Variants in ARL15 observed in about 807,000 individuals in gnomAD.
ARL15 encodes the protein ADP-ribosylation factor-like protein 15.
Under a neutral mutation model 25.2 loss-of-function variants are expected in ARL15, and 19 were observed. That is an observed-to-expected ratio of 0.75 (90% CI 0.53 to 1.10). The LOEUF is 1.10. Among genes scored for constraint, ARL15 ranks in the 50% least tolerant of loss-of-function variants. The pLI, the probability that ARL15 is intolerant of heterozygous loss-of-function variation, is 0.00. For missense variants in ARL15, 220 were observed against 246.0 expected (o/e 0.89, Z 0.71); for synonymous variants, 94 against 86.8 (o/e 1.08, Z -0.46).
chr5:54,184,585 T>G (rs1419389977), intron 1 of ARL15, among the ~76,000 whole-genome samples: 3 of 149,840 alleles, frequency 2.0e-5, no homozygotes, highest in Admixed American at 6.7e-5. Context: ...TTCACTGTGC[T>G]TTTGGAACTG....
At chr5:53,895,063 G>T (rs936688194) in intron 4 of ARL15, among the ~76,000 whole-genome samples, 1 of 152,120 alleles carries the variant, frequency 6.6e-6, no homozygotes, top group Non-Finnish European at 1.5e-5. Flanking sequence ...GTCCCACACG[G>T]CCTAGAATAT....
intron 4 of ARL15, among the ~76,000 whole-genome samples, chr5:54,051,387 G>C (rs1344494770): frequency 1.3e-5 from 2 of 152,198 alleles, no homozygotes; most frequent in African/African-American, 4.8e-5. Context: ...ACAACATGCA[G>C]CTGAAACTTT....
At chr5:53,946,843 A>G (rs1204175536) in intron 4 of ARL15, among the ~76,000 whole-genome samples, 1 of 152,136 alleles carries the variant, frequency 6.6e-6, no homozygotes, top group East Asian at 1.9e-4. Flanking sequence ...GCAAATCAGA[A>G]CTCACCATTT....
chr5:54,300,924 C>T (rs1387520046), intron 1 of ARL15, among the ~76,000 whole-genome samples: 1 of 152,200 alleles, frequency 6.6e-6, no homozygotes, highest in African/African-American at 2.4e-5. Context: ...TGCTCCAAAC[C>T]CTGCTCCAAA....
chr5:54,257,566 C>G (rs1757400039), intron 1 of ARL15, among the ~76,000 whole-genome samples: 1 of 152,134 alleles, frequency 6.6e-6, no homozygotes, highest in African/African-American at 2.4e-5. Context: ...GGATCAGAGC[C>G]AGTGACCATG....
intron 4 of ARL15, among the ~76,000 whole-genome samples, chr5:53,950,368 C>T (rs945317854): frequency 2.0e-5 from 3 of 151,916 alleles, no homozygotes; most frequent in Admixed American, 6.6e-5. Flanking sequence ...GATGTCATGA[C>T]GGCTGGTTAA....
chr5:53,996,212 T>C (rs543000798), intron 4 of ARL15, among the ~76,000 whole-genome samples: 1 of 152,316 alleles, frequency 6.6e-6, no homozygotes, highest in South Asian at 2.1e-4. Flanking sequence ...GGAAATCAGA[T>C]TGCAGACTAG....
chr5:54,187,944 TAGAC>T (rs1755285263), intron 1 of ARL15, among the ~76,000 whole-genome samples: 1 of 152,204 alleles, frequency 6.6e-6, no homozygotes, highest in Non-Finnish European at 1.5e-5. Context: ...GCAGTGTAGA[TAGAC>T]AGAAACTCCT....
chr5:53,980,593 G>A (rs949404749), intron 4 of ARL15, among the ~76,000 whole-genome samples: 2 of 152,162 alleles, frequency 1.3e-5, no homozygotes, highest in African/African-American at 4.8e-5. Context: ...CTCTATACCT[G>A]CTTAACTCCA....
intron 2 of ARL15, among the ~76,000 whole-genome samples, chr5:54,163,516 G>A (rs1754483542): frequency 6.6e-6 from 1 of 150,594 alleles, no homozygotes; most frequent in Non-Finnish European, 1.5e-5. Flanking sequence ...TCCTTAAAAT[G>A]TTTGGTAGGA....
At chr5:54,092,955 G>C (rs1752174502) in intron 4 of ARL15, among the ~76,000 whole-genome samples, 1 of 152,148 alleles carries the variant, frequency 6.6e-6, no homozygotes. Context: ...TTAGAAGAAG[G>C]TGGCATTCAT....
At chr5:54,258,409 T>C (rs1579958131) in intron 1 of ARL15, among the ~76,000 whole-genome samples, 1 of 152,188 alleles carries the variant, frequency 6.6e-6, no homozygotes, top group South Asian at 2.1e-4. Flanking sequence ...ACGAGCTATG[T>C]CTGTCTAGCC....
intron 1 of ARL15, among the ~76,000 whole-genome samples, chr5:54,215,741 G>A (rs1248962326): frequency 4.3e-5 from 6 of 138,644 alleles, no homozygotes; most frequent in Non-Finnish European, 9.1e-5. Context: ...CCGTCAGGGT[G>A]CCCCTTTACA....
intron 3 of ARL15, among the ~76,000 whole-genome samples, chr5:54,124,302 C>A (rs1162175515): frequency 1.3e-5 from 2 of 152,162 alleles, no homozygotes; most frequent in Non-Finnish European, 2.9e-5. Context: ...AGTTATAGGG[C>A]AGCACATATA....
intron 4 of ARL15, among the ~76,000 whole-genome samples, chr5:53,950,875 G>C (rs1746923898): frequency 6.6e-6 from 1 of 152,196 alleles, no homozygotes. Context: ...AAAATCCCGA[G>C]ACAGACGGGA....
chr5:54,109,340 G>C (rs922729135), intron 4 of ARL15, among the ~76,000 whole-genome samples: 4 of 151,920 alleles, frequency 2.6e-5, no homozygotes, highest in African/African-American at 4.8e-5. Context: ...TTCTGAAAAA[G>C]TTAAATACTT....
chr5:54,230,346 GAAA>G (rs137882615), intron 1 of ARL15, among the ~76,000 whole-genome samples: 2 of 91,848 alleles, frequency 2.2e-5, no homozygotes, highest in Non-Finnish European at 4.2e-5. Flanking sequence ...TTCCATCTCA[GAAA>G]AAAAAAAAAA....
chr5:53,975,385 G>A (rs565316182), intron 4 of ARL15, among the ~76,000 whole-genome samples: 6 of 152,162 alleles, frequency 3.9e-5, no homozygotes, highest in African/African-American at 1.4e-4. Context: ...TATTCAAAGA[G>A]AGCTTGCCTA....
intron 1 of ARL15, among the ~76,000 whole-genome samples, chr5:54,299,650 C>T (rs1463093766): frequency 2.5e-5 from 3 of 119,076 alleles, no homozygotes; most frequent in Non-Finnish European, 4.7e-5. Context: ...AATGCAGTGG[C>T]GCAATCTCGG....
Sources: gnomAD v4.1 joint callset for allele counts (sites outside exome capture counted in the v4.1 genomes callset) on GRCh38, gnomAD v4.1.1 for gene constraint, MANE v1.5 for transcripts, NCBI Gene and HGNC (gene_info 2026-07-23, HGNC 2026-07-21) for gene names.